Variants in JPH3 observed in about 807,000 individuals in gnomAD.
JPH3 encodes junctophilin 3, also known as junctophilin-3.
Under a neutral mutation model 59.6 loss-of-function variants are expected in JPH3, and 11 were observed. The ratio of observed to expected loss-of-function variants is 0.18; its 90% confidence interval spans 0.12 to 0.31. The LOEUF (loss-of-function observed/expected upper bound fraction) is 0.31. Ranked by LOEUF, JPH3 falls within the 10% of genes least tolerant of loss-of-function variation. The probability of loss-of-function intolerance (pLI) is 1.00; values close to 1 mark genes in which losing one functional copy is unlikely to be tolerated. For missense variants in JPH3, 1,202 were observed against 1,105.7 expected (o/e 1.09, Z -1.24); for synonymous variants, 673 against 483.6 (o/e 1.39, Z -5.14).
intron 1 of JPH3, among the ~76,000 whole-genome samples, chr16:87,630,590 A>G (rs866476675): frequency 3.3e-5 from 5 of 152,226 alleles, no homozygotes; most frequent in Non-Finnish European, 2.9e-5. Context: ...GAATCTTCTC[A>G]TAAACGCATC....
In JPH3 at chr16:87,684,162, A is replaced by T; in HGVS notation, c.1181A>T (p.Lys394Met). The T allele has an allele frequency of 1.2e-6, 2 of 1,613,498 alleles. No homozygotes were observed. The highest frequency in any genetic ancestry group is 1.7e-6 in the Non-Finnish European group (2 of 1,179,934). The change falls in exon 3 of 5, where the codon AAG becomes ATG. Residue 394 changes from lysine to methionine, a missense_variant. Coordinates refer to ENST00000284262, the MANE Select transcript of JPH3 (RefSeq NM_020655.4). ...CCCAGGACCTCCCACTCTCGGGCAA[A>T]GGCCGAGGCAGCCCTCACAGCAGCT... is the stretch of plus-strand genomic sequence containing the variant. ...AASRTSHSRA[K>M]AEAALTAAQK... is the part of the protein sequence containing the mutation.
In JPH3 at chr16:87,671,818, C is replaced by G. The variant is rs551635472; in HGVS notation, c.1161-12324C>G. Reference sequence around the variant, plus strand: ...GCCCACTCCAGGCACAGGGGACACACCTGCTTCCTTCTTAACTGAGTAGAG... The same window carrying G: ...GCCCACTCCAGGCACAGGGGACACAGCTGCTTCCTTCTTAACTGAGTAGAG... On this transcript the variant is annotated intron_variant, in intron 2 of 4. Transcript: ENST00000284262. 1.5e-4 allele frequency among the ~76,000 whole-genome samples: 23 copies of G among 152,362 alleles called. No individual in the cohort carries two copies. The South Asian group carries it at 4.8e-3, about 32-fold the overall frequency.
In JPH3 at chr16:87,690,428, T is replaced by A. The variant is rs1475962991; in HGVS notation, c.2068T>A (p.Leu690Met). The A allele has an allele frequency of 6.7e-7, 1 of 1,498,302 alleles. No homozygotes were observed. The highest frequency in any genetic ancestry group is 8.9e-7 in the Non-Finnish European group (1 of 1,126,862). The allele number at this position is 1,498,302 out of a possible 1,614,324, so 92.8% of individuals were successfully genotyped here. ...GCGGCTGGGCGGGGCCGAGCCCCGG[T>A]TGCTGCGTTGGGACTTGACCTTCTC... ...SLRLGGAEPR[L>M]LRWDLTFSPP... The change falls in exon 4 of 5, where the codon TTG (leucine) becomes ATG (methionine). Residue 690 changes from leucine (L) to methionine (M), a missense_variant. Physicochemically the swap from Leu to Met is conservative, Grantham distance 15. Transcript: ENST00000284262.
At chr16:87,628,108 TTA>T (rs2031443641) in intron 1 of JPH3, among the ~76,000 whole-genome samples, 2 of 152,154 alleles carry the variant, frequency 1.3e-5, no homozygotes, top group African/African-American at 2.4e-5. Context: ...GAAGCTGGGG[TTA>T]AGGGCAAGGG....
chr16:87,640,731 G>A (rs1251579873), intron 1 of JPH3, among the ~76,000 whole-genome samples: 5 of 152,150 alleles, frequency 3.3e-5, no homozygotes, highest in Admixed American at 6.5e-5. Context: ...CCCATGCAGC[G>A]TGTCCCCTAA....
In JPH3 at chr16:87,689,916, T is replaced by G. The variant is rs1210709549; in HGVS notation, c.1556T>G (p.Leu519Arg). 2.1e-6 allele frequency: 3 copies of G among 1,456,436 alleles called. No individual in the cohort carries two copies. The highest frequency in any genetic ancestry group is 2.7e-6 in the Non-Finnish European group (3 of 1,107,176). The allele number at this position is 1,456,436 out of a possible 1,614,324, so 90.2% of individuals were successfully genotyped here. The change falls in exon 4 of 5, where the codon CTG becomes CGG. Residue 519 changes from leucine to arginine, a missense_variant. Physicochemically the swap from Leu to Arg is moderately radical, Grantham distance 102. Coordinates refer to ENST00000284262, the MANE Select transcript of JPH3 (RefSeq NM_020655.4). ...EERGGDIQMLLEGRAGDCARS... is the reference protein window; with the variant it reads ...EERGGDIQMLREGRAGDCARS... Reference sequence around the variant, plus strand: ...CGGGGCGGGGACATCCAGATGCTCCTGGAGGGCCGGGCCGGGGACTGCGCC... The same window carrying G: ...CGGGGCGGGGACATCCAGATGCTCCGGGAGGGCCGGGCCGGGGACTGCGCC...
chr16:87,629,214 C>T (rs769031272), intron 1 of JPH3, among the ~76,000 whole-genome samples: 11 of 152,156 alleles, frequency 7.2e-5, no homozygotes, highest in Non-Finnish European at 1.2e-4. Context: ...GCCAGCAGAC[C>T]GTGTCCTTCA....
intron 1 of JPH3, chr16:87,604,408 A>G (rs1313846224): frequency 1.4e-6 from 2 of 1,412,578 alleles, no homozygotes; most frequent in South Asian, 2.4e-5. Context: ...TCCACTCCTC[A>G]GTGCACCTGA....
chr16:87,620,281 CA>C (rs987628258), intron 1 of JPH3, among the ~76,000 whole-genome samples: 7 of 149,068 alleles, frequency 4.7e-5, no homozygotes, highest in African/African-American at 1.5e-4. Flanking sequence ...CAGCAGAGGC[CA>C]GGGGGGTGGG....
chr16:87,655,286 A>T (rs1489135122), intron 2 of JPH3, among the ~76,000 whole-genome samples: 1 of 152,124 alleles, frequency 6.6e-6, no homozygotes, highest in East Asian at 1.9e-4. Context: ...CACCAGGGAA[A>T]ATGGCTTCAC....
intron 1 of JPH3, among the ~76,000 whole-genome samples, chr16:87,640,562 T>C (rs2150842290): frequency 6.6e-6 from 1 of 151,886 alleles, no homozygotes; most frequent in East Asian, 2.0e-4. Context: ...AGCTAGTTTT[T>C]TTGTATTTTT....
At chr16:87,662,009 A>C (rs1289667963) in intron 2 of JPH3, among the ~76,000 whole-genome samples, 2 of 152,212 alleles carry the variant, frequency 1.3e-5, no homozygotes, top group Non-Finnish European at 2.9e-5. Context: ...TCAGGCGGCT[A>C]TGCATGGTTG....
intron 1 of JPH3, among the ~76,000 whole-genome samples, chr16:87,636,158 T>A (rs2031738919): frequency 5.9e-5 from 9 of 152,128 alleles, no homozygotes; most frequent in Admixed American, 5.9e-4. Context: ...GGGACAGGCT[T>A]TGGGAATCAG....
At chr16:87,659,506 G>A (rs551219337) in intron 2 of JPH3, among the ~76,000 whole-genome samples, 1 of 151,998 alleles carries the variant, frequency 6.6e-6, no homozygotes, top group South Asian at 2.1e-4. Flanking sequence ...TGAATCACTT[G>A]AGGTCAGGAG....
At chr16:87,691,252 C>T (rs1285839939) in intron 4 of JPH3, among the ~76,000 whole-genome samples, 6 of 152,324 alleles carry the variant, frequency 3.9e-5, no homozygotes, top group South Asian at 2.1e-4. Context: ...AAGGGACCTT[C>T]ACTCTGCAAA....
In JPH3 at chr16:87,648,449, C is replaced by A. The variant is rs138151433; in HGVS notation, c.1160+3414C>A. Among the ~76,000 whole-genome samples the A allele has an allele frequency of 2.8e-3, 426 of 152,238 alleles. 2 individuals are homozygous for A. The highest frequency in any genetic ancestry group is 9.5e-3 in the African/African-American group (395 of 41,544). ...GAGATGCGAGGGAGTTGTAGGGCAGCTGGCACTGTCCTCACCCGCCCCGGC... is the reference window on the plus strand; with the variant it reads ...GAGATGCGAGGGAGTTGTAGGGCAGATGGCACTGTCCTCACCCGCCCCGGC... On this transcript the variant is annotated intron_variant, in intron 2 of 4. Coordinates refer to ENST00000284262, the MANE Select transcript of JPH3 (RefSeq NM_020655.4).
intron 2 of JPH3, among the ~76,000 whole-genome samples, chr16:87,680,040 C>T (rs1245161247): frequency 6.6e-6 from 1 of 152,252 alleles, no homozygotes; most frequent in African/African-American, 2.4e-5. Flanking sequence ...GGGGACAGGG[C>T]AGCCACACAC....
At chr16:87,650,234 GT>G (rs2032287653) in intron 2 of JPH3, among the ~76,000 whole-genome samples, 1 of 152,206 alleles carries the variant, frequency 6.6e-6, no homozygotes. Context: ...GATTATATCT[GT>G]TCATGGTGAT....
chr16:87,665,478 G>C (rs1237385082), intron 2 of JPH3, among the ~76,000 whole-genome samples: 2 of 152,220 alleles, frequency 1.3e-5, no homozygotes, highest in Non-Finnish European at 2.9e-5. Context: ...TCGTGATTCT[G>C]GGACCCGAGC....
Sources: allele counts gnomAD v4.1 joint callset (sites outside exome capture counted in the v4.1 genomes callset), GRCh38; gene constraint gnomAD v4.1.1; transcripts MANE v1.5; gene names NCBI Gene and HGNC (gene_info 2026-07-23, HGNC 2026-07-21).